The following NALCN variants were observed in gnomAD, a reference collection of about 807,000 sequenced individuals.
The protein encoded by NALCN is sodium leak channel, non-selective.
A neutral mutation model predicts 225.3 loss-of-function variants in NALCN; 111 were observed. That is an observed-to-expected ratio of 0.49 (90% confidence interval 0.42 to 0.58). The LOEUF (loss-of-function observed/expected upper bound fraction) is 0.58. Among genes scored for constraint, NALCN ranks in the 20% least tolerant of loss-of-function variants. The pLI is 0.00. For missense variants in NALCN, 1,378 were observed against 2,202.4 expected, an observed-to-expected ratio of 0.63 and a Z score of 7.49; for synonymous variants, 764 against 769.0, an observed-to-expected ratio of 0.99 and a Z score of 0.11.
At chr13:101,284,141 G>T in intron 9 of NALCN, 122 bp from the exon 10 acceptor site, 2 of 709,920 alleles carry the variant, frequency 2.8e-6, no homozygotes, top group Non-Finnish European at 4.5e-6. Context: ...ATTTATATTT[G>T]GAATGAAGTC....
At chr13:101,256,895 C>T (rs1423324777) in intron 11 of NALCN, among the ~76,000 whole-genome samples, 2 of 151,652 alleles carry the variant, frequency 1.3e-5, no homozygotes, top group East Asian at 3.9e-4. Context: ...TCCAGAGTAG[C>T]TGGGATTACA....
At chr13:101,237,080 G>A (rs1010623437) in intron 12 of NALCN, among the ~76,000 whole-genome samples, 3 of 151,650 alleles carry the variant, frequency 2.0e-5, no homozygotes, top group African/African-American at 7.3e-5. Flanking sequence ...TATTTACCAG[G>A]ACAGTGAGCG....
chr13:101,365,524 T>C (rs962517747), intron 6 of NALCN, among the ~76,000 whole-genome samples: 3 of 152,286 alleles, frequency 2.0e-5, no homozygotes, highest in African/African-American at 7.2e-5. Context: ...AATTTTAATG[T>C]ATTTATTTTA....
intron 43 of NALCN, 123 bp downstream of exon 43, chr13:101,057,816 T>C (rs561927627): frequency 1.3e-6 from 1 of 798,684 alleles, no homozygotes; most frequent in South Asian, 1.4e-5. Flanking sequence ...TTTCATTATG[T>C]TGCTGTCTGT....
intron 7 of NALCN, among the ~76,000 whole-genome samples, chr13:101,299,426 T>TTTTTG (rs1555331786): frequency 6.6e-6 from 1 of 151,512 alleles, no homozygotes; most frequent in African/African-American, 2.4e-5. Flanking sequence ...ACAGGGTTTT[T>TTTTTG]TTTGTTTGTT....
At chr13:101,314,174 G>A (rs1427125078) in intron 7 of NALCN, among the ~76,000 whole-genome samples, 1 of 109,128 alleles carries the variant, frequency 9.2e-6, no homozygotes, top group Admixed American at 1.2e-4. Context: ...GGTGGGGGGA[G>A]GGGGGAGGGA....
At chr13:101,123,654 G>A (rs929833151) in intron 18 of NALCN, among the ~76,000 whole-genome samples, 4 of 152,132 alleles carry the variant, frequency 2.6e-5, no homozygotes, top group South Asian at 2.1e-4. Context: ...ATGCATGAAC[G>A]TCAGCCAATA....
rs542314026 is a variant in NALCN, at chr13:101,129,957, A to C, written c.2119-5276T>G. Among the ~76,000 whole-genome samples, 5 of 151,388 alleles carry C rather than the reference A, an allele frequency of 3.3e-5. No individual in the cohort carries two copies. The South Asian group carries it at 1.0e-3, about 32-fold the overall frequency. On this transcript the variant is annotated intron_variant, in intron 17 of 43. Coordinates refer to ENST00000251127, the MANE Select transcript of NALCN (RefSeq NM_052867.4). ...ATTGTTCAATTCCTACTTATGACTG[A>C]GAACATGCTGTGTTTGGTTTTCTGT...
chr13:101,084,936 G>A (rs2033857615), intron 30 of NALCN, among the ~76,000 whole-genome samples: 1 of 152,098 alleles, frequency 6.6e-6, no homozygotes, highest in Non-Finnish European at 1.5e-5. Context: ...ATACACAGGT[G>A]TTACCATATC....
At chr13:101,277,353 T>C (rs928745371) in intron 10 of NALCN, among the ~76,000 whole-genome samples, 1 of 152,180 alleles carries the variant, frequency 6.6e-6, no homozygotes, top group East Asian at 1.9e-4. Context: ...TGCTGAGTTA[T>C]GATTTTAACA....
intron 13 of NALCN, 67 bp from the exon 14 acceptor site, chr13:101,192,121 G>C (rs969434962): frequency 6.5e-7 from 1 of 1,529,198 alleles, no homozygotes; most frequent in African/African-American, 1.4e-5. Flanking sequence ...AAATTAGCAT[G>C]TGATGTTTGA....
At chr13:101,173,776 G>T (rs1480712936) in intron 15 of NALCN, among the ~76,000 whole-genome samples, 1 of 152,088 alleles carries the variant, frequency 6.6e-6, no homozygotes, top group East Asian at 1.9e-4. Flanking sequence ...TAAAAATAGA[G>T]TACATAAGTT....
At position 101,413,694 on chromosome 13, in the gene NALCN, T is replaced by C. The variant is rs897977874; in HGVS notation, c.-40+2619A>G. Reference sequence around the variant, plus strand: ...TTATTAAAACTAGCTGTTTACTCTTTTTTCTCTATCATTCTATCATCTCTA... The same window carrying C: ...TTATTAAAACTAGCTGTTTACTCTTCTTTCTCTATCATTCTATCATCTCTA... On this transcript the variant is annotated intron_variant, in intron 1 of 43. Transcript: ENST00000251127. 3.3e-5 allele frequency among the ~76,000 whole-genome samples: 5 copies of C among 152,200 alleles called. No individual in the cohort carries two copies. The East Asian group carries it at 9.6e-4, about 29-fold the overall frequency.
intron 6 of NALCN, among the ~76,000 whole-genome samples, chr13:101,369,297 T>C (rs2046471491): frequency 1.3e-5 from 2 of 151,960 alleles, no homozygotes; most frequent in Non-Finnish European, 2.9e-5. Flanking sequence ...CTGTCAACAT[T>C]TATGAAATTT....
chr13:101,267,132 C>A (rs768557067), intron 10 of NALCN, among the ~76,000 whole-genome samples: 2 of 152,030 alleles, frequency 1.3e-5, no homozygotes, highest in African/African-American at 2.4e-5. Context: ...AATGGAGAGC[C>A]GAGTAAGGGA....
At chr13:101,411,519 T>G (rs997362111) in intron 1 of NALCN, among the ~76,000 whole-genome samples, 1 of 151,928 alleles carries the variant, frequency 6.6e-6, no homozygotes, top group African/African-American at 2.4e-5. Flanking sequence ...AGCTAATTTT[T>G]TTGTATTTTT....
chr13:101,215,644 G>T (rs1173799103), intron 13 of NALCN, among the ~76,000 whole-genome samples: 3 of 151,452 alleles, frequency 2.0e-5, no homozygotes, highest in Non-Finnish European at 4.4e-5. Context: ...GTTGCCCAGG[G>T]TCTTGGCCAC....
chr13:101,282,348 T>A (rs944682212), intron 10 of NALCN, among the ~76,000 whole-genome samples: 4 of 152,134 alleles, frequency 2.6e-5, no homozygotes, highest in Non-Finnish European at 4.4e-5. Flanking sequence ...AATCCTGCCA[T>A]TGACAACTAT....
chr13:101,184,785 C>T (rs2039380385), intron 14 of NALCN, among the ~76,000 whole-genome samples: 1 of 152,188 alleles, frequency 6.6e-6, no homozygotes, highest in African/African-American at 2.4e-5. Flanking sequence ...TCTCTCCCTG[C>T]AGCAACATAT....
Sources: gnomAD v4.1 joint callset for allele counts (sites outside exome capture counted in the v4.1 genomes callset) on GRCh38, gnomAD v4.1.1 for gene constraint, MANE v1.5 for transcripts, NCBI Gene and HGNC (gene_info 2026-07-23, HGNC 2026-07-21) for gene names.